Variants in PTPRS observed in about 807,000 individuals in gnomAD.
PTPRS encodes the protein protein tyrosine phosphatase receptor type S, also known as receptor-type tyrosine-protein phosphatase S.
In PTPRS, 63 loss-of-function variants were observed where a neutral mutation model predicts 215.3. That is an observed-to-expected ratio of 0.29 (90% CI 0.24 to 0.36). The LOEUF (loss-of-function observed/expected upper bound fraction) is 0.36, where lower values mean the gene tolerates loss of function less well. Ranked by LOEUF, PTPRS falls within the 10% of genes least tolerant of loss-of-function variation. The pLI, the probability that PTPRS is intolerant of heterozygous loss-of-function variation, is 1.00. For synonymous variants in PTPRS, 1,404 were observed against 1,191.4 expected (o/e 1.18, Z -3.68); for missense variants, 2,258 against 2,825.8 (o/e 0.80, Z 4.56).
At chr19:5,305,763 A>ATATATG (rs1555806271) in intron 1 of PTPRS, among the ~76,000 whole-genome samples, 1 of 113,694 alleles carries the variant, frequency 8.8e-6, no homozygotes, top group Non-Finnish European at 1.7e-5. Flanking sequence ...ATATATATAT[A>ATATATG]TATTTTTTTT....
chr19:5,327,164 G>A (rs1412374054), intron 1 of PTPRS, among the ~76,000 whole-genome samples: 1 of 152,306 alleles, frequency 6.6e-6, no homozygotes, highest in African/African-American at 2.4e-5. Flanking sequence ...TCTGCTCTCC[G>A]CACTGCAGTG....
chr19:5,212,843 A>C (rs985927484), intron 30 of PTPRS, among the ~76,000 whole-genome samples: 27 of 38,674 alleles, frequency 7.0e-4, no homozygotes, highest in Non-Finnish European at 7.1e-4. Flanking sequence ...ACTCCATCTC[A>C]AAAAAAAAAA....
At position 5,220,004 on chromosome 19, in the gene PTPRS, G is replaced by A. The variant is rs866165812; in HGVS notation, c.3700C>T (p.Arg1234Trp). The A allele has an allele frequency of 6.2e-6, 10 of 1,613,630 alleles. No homozygotes were observed. Among genetic ancestry groups the A allele is most frequent in the South Asian group, 2.2e-5 (2 of 91,094 alleles). The part of the protein sequence containing the change: ...DQKQYGGFDN[R>W]GLEPGHRYVL... ...TAGCGGTGGCCGGGCTCCAGGCCCC[G>A]GTTATCGAAGCCGCCATACTGCTTC... Residue 1234 changes from arginine to tryptophan, a missense_variant, in exon 22 of 38, where the codon CGG (arginine) becomes TGG (tryptophan). Around this residue, in one of 6 missense-constraint regions of PTPRS, gnomAD observed 927 missense variants for 1,125.9 expected, o/e 0.82. Transcript: ENST00000262963.
intron 8 of PTPRS, among the ~76,000 whole-genome samples, chr19:5,256,877 T>TG (rs2146226621): frequency 6.6e-6 from 1 of 151,452 alleles, no homozygotes; most frequent in African/African-American, 2.4e-5. Flanking sequence ...TGAGGGTCTG[T>TG]GGGTAAGGGA....
chr19:5,248,759 G>T (rs913866627), intron 9 of PTPRS, among the ~76,000 whole-genome samples: 1 of 152,230 alleles, frequency 6.6e-6, no homozygotes, highest in Non-Finnish European at 1.5e-5. Flanking sequence ...CCAGGCAGAC[G>T]TGGAGGAGCT....
At chr19:5,221,545 G>A (rs558224427) in intron 19 of PTPRS, among the ~76,000 whole-genome samples, 7 of 151,668 alleles carry the variant, frequency 4.6e-5, no homozygotes, top group East Asian at 2.0e-4. Flanking sequence ...TCCCAGTCCC[G>A]ACTGAGCCCC....
intron 1 of PTPRS, among the ~76,000 whole-genome samples, chr19:5,333,318 A>G (rs2050387604): frequency 1.0e-5 from 1 of 99,072 alleles, no homozygotes; most frequent in South Asian, 3.1e-4. Flanking sequence ...AAAAAAAAAT[A>G]AATAAATAAT....
intron 1 of PTPRS, among the ~76,000 whole-genome samples, chr19:5,330,698 C>T (rs1259385978): frequency 2.6e-5 from 4 of 152,322 alleles, no homozygotes; most frequent in Non-Finnish European, 4.4e-5. Context: ...ATAATGAGGT[C>T]ATCTCACACA....
At chr19:5,222,388 T>C (rs1034810615) in intron 18 of PTPRS, among the ~76,000 whole-genome samples, 168 bp from the exon 19 acceptor site, 2 of 149,176 alleles carry the variant, frequency 1.3e-5, no homozygotes, top group African/African-American at 2.5e-5. Flanking sequence ...CCCTGCCCTG[T>C]CCTGTCCCAA....
chr19:5,208,315 C>A lies in PTPRS; in HGVS notation c.5564G>T (p.Gly1855Val). The change falls in exon 36 of 38, where the codon GGC becomes GTC. Residue 1855 changes from glycine (G) to valine (V), a missense_variant. Physicochemically the swap from Gly to Val is moderately radical, Grantham distance 109. This residue lies in a region of PTPRS where 927 missense variants were observed against 1,125.9 expected (regional missense o/e 0.82). Transcript: ENST00000262963. ...PEQGVPKSGE[G>V]FIDFIGQVHK... Reference sequence around the variant, plus strand: ...CACTTGGCCAATGAAGTCGATGAAGCCCTCCCCCGACTTTGGCACACCCTG... The same window carrying A: ...CACTTGGCCAATGAAGTCGATGAAGACCTCCCCCGACTTTGGCACACCCTG... The A allele has an allele frequency of 6.2e-7, 1 of 1,613,948 alleles. No homozygotes were observed. The highest frequency in any genetic ancestry group is 8.5e-7 in the Non-Finnish European group (1 of 1,179,874).
At chr19:5,308,513 T>G (rs2049577707) in intron 1 of PTPRS, among the ~76,000 whole-genome samples, 1 of 152,192 alleles carries the variant, frequency 6.6e-6, no homozygotes, top group Admixed American at 6.5e-5. Context: ...GCAGCCACAG[T>G]GCAAGGCCTG....
intron 9 of PTPRS, among the ~76,000 whole-genome samples, chr19:5,246,642 G>T (rs1399684844): frequency 6.6e-6 from 1 of 152,214 alleles, no homozygotes; most frequent in Non-Finnish European, 1.5e-5. Context: ...GGCGGTCATA[G>T]GACACTTGTT....
intron 1 of PTPRS, among the ~76,000 whole-genome samples, chr19:5,307,337 G>GAATA (rs71172710): frequency 0.32 from 48,375 of 151,504 alleles, 8,734 homozygotes; most frequent in Non-Finnish European, 0.41. Flanking sequence ...ATGAATGAAT[G>GAATA]AATAAATAAA....
chr19:5,265,498 C>T (rs557087394), intron 4 of PTPRS, among the ~76,000 whole-genome samples: 4 of 152,128 alleles, frequency 2.6e-5, no homozygotes, highest in South Asian at 4.1e-4. Flanking sequence ...TGCGCCACCA[C>T]GCCTGGCTAA....
chr19:5,280,795 T>TG (rs34957103), intron 2 of PTPRS, among the ~76,000 whole-genome samples: 23,581 of 151,366 alleles, frequency 0.16, 2,046 homozygotes, highest in Non-Finnish European at 0.2. Context: ...AACTTTTTTT[T>TG]TTTGTTTGTT....
Position 5,231,855 on chromosome 19 carries a change from C to T in PTPRS, c.1850-240G>A, listed in dbSNP as rs560236498. On this transcript the variant is annotated intron_variant, in intron 13 of 37. Transcript: ENST00000262963. Reference sequence around the variant, plus strand: ...GGGAGGGCTGGCCAAGAACCCTGTGCTCACCAGGCTGCACCTACGTGGTGC... The same window carrying T: ...GGGAGGGCTGGCCAAGAACCCTGTGTTCACCAGGCTGCACCTACGTGGTGC... Among the ~76,000 whole-genome samples the T allele has an allele frequency of 1.5e-3, 229 of 152,318 alleles. 4 individuals are homozygous for T. Among genetic ancestry groups the T allele is most frequent in the Middle Eastern group, 3.4e-3 (1 of 294 alleles).
At chr19:5,268,191 TA>T (rs1013303870) in intron 4 of PTPRS, among the ~76,000 whole-genome samples, 2 of 111,590 alleles carry the variant, frequency 1.8e-5, no homozygotes, top group Non-Finnish European at 4.0e-5. Flanking sequence ...ATAAATAAAT[TA>T]ATTAATTAAT....
intron 14 of PTPRS, among the ~76,000 whole-genome samples, chr19:5,229,905 GC>G (rs113109821): frequency 0.21 from 31,232 of 148,510 alleles, 4,928 homozygotes; most frequent in African/African-American, 0.45. Flanking sequence ...GATCCAGGCT[GC>G]CCCCCCCCGA....
intron 15 of PTPRS, 69 bp from the exon 16 acceptor site, chr19:5,229,411 G>C: frequency 7.4e-7 from 1 of 1,347,260 alleles, no homozygotes; most frequent in Non-Finnish European, 9.6e-7. Context: ...GATGGAGAAA[G>C]AGAAGCAGAG....
Sources: gnomAD v4.1 joint callset for allele counts (sites outside exome capture counted in the v4.1 genomes callset) on GRCh38, gnomAD v4.1.1 for gene constraint, gnomAD v4.1.1 regional missense constraint, MANE v1.5 for transcripts, NCBI Gene and HGNC (gene_info 2026-07-23, HGNC 2026-07-21) for gene names.